Variants in ZNG1A observed in about 807,000 individuals in gnomAD.
ZNG1A encodes zinc-regulated GTPase metalloprotein activator 1A.
the ZNG1A span, chr9:151,370 C>T: frequency 9.2e-6 from 9 of 980,556 alleles, no homozygotes; most frequent in Middle Eastern, 1.0e-3. Context: ...AACTAGACTG[C>T]CAGCTGTGAG....
chr9:172,725 G>A, the ZNG1A span: 2 of 153,836 alleles, frequency 1.3e-5, no homozygotes, highest in African/African-American at 5.0e-5. Flanking sequence ...GGGAGTAAAT[G>A]ATGCCGAAGA....
chr9:130,556 C>T, the ZNG1A span, among the ~76,000 whole-genome samples: 2 of 77,572 alleles, frequency 2.6e-5, no homozygotes, highest in African/African-American at 4.6e-5. Context: ...TTCAGCCTCT[C>T]GAGTAGCTAG....
chr9:160,038 T>A, the ZNG1A span: 1 of 454,494 alleles, frequency 2.2e-6, no homozygotes, highest in Non-Finnish European at 4.4e-6. Flanking sequence ...TCTATTGCAT[T>A]AAATGCTGTC....
the ZNG1A span, chr9:166,144 G>C: frequency 4.8e-5 from 5 of 104,938 alleles, no homozygotes; most frequent in Non-Finnish European, 9.1e-5. Flanking sequence ...AGAGAAATGA[G>C]AGCTCTGAGG....
At chr9:155,392 A>G in the ZNG1A span, among the ~76,000 whole-genome samples, 1 of 151,834 alleles carries the variant, frequency 6.6e-6, no homozygotes, top group Non-Finnish European at 1.5e-5. Flanking sequence ...TTCAAGTCCA[A>G]CCTGGGCAAC....
the ZNG1A span, among the ~76,000 whole-genome samples, chr9:131,220 C>T: frequency 7.1e-6 from 1 of 141,698 alleles, no homozygotes; most frequent in Non-Finnish European, 1.5e-5. Flanking sequence ...AAATTAACTC[C>T]TTTTTCCATG....
chr9:145,182 C>A, the ZNG1A span, among the ~76,000 whole-genome samples: 1 of 151,496 alleles, frequency 6.6e-6, no homozygotes, highest in African/African-American at 2.4e-5. Flanking sequence ...TTTGACCCAG[C>A]CATCCCATTA....
the ZNG1A span, among the ~76,000 whole-genome samples, chr9:170,182 T>C: frequency 4.0e-5 from 6 of 149,542 alleles, no homozygotes; most frequent in Admixed American, 1.3e-4. Flanking sequence ...AACAGCTTGC[T>C]TGACCCCCTC....
chr9:129,075 G>A, the ZNG1A span, among the ~76,000 whole-genome samples: 7 of 151,070 alleles, frequency 4.6e-5, no homozygotes, highest in South Asian at 1.5e-3. Context: ...CTGTTCCAGT[G>A]GAGGCGGTAG....
chr9:140,163 A>T, the ZNG1A span, among the ~76,000 whole-genome samples: 1 of 151,348 alleles, frequency 6.6e-6, no homozygotes, highest in Non-Finnish European at 1.5e-5. Flanking sequence ...AGCCCACCAC[A>T]GCTCAAGGAA....
At chr9:130,003 T>C in the ZNG1A span, among the ~76,000 whole-genome samples, 5 of 150,794 alleles carry the variant, frequency 3.3e-5, no homozygotes, top group Middle Eastern at 3.4e-3. Flanking sequence ...ACAGCATATA[T>C]GTTACTGTAC....
At chr9:166,361 T>C in the ZNG1A span, 612 of 148,730 alleles carry the variant, frequency 4.1e-3, 2 homozygotes, top group African/African-American at 0.014. Context: ...AAAAACAAAC[T>C]TGGGTAAGGA....
At chr9:123,901 T>C in the ZNG1A span, among the ~76,000 whole-genome samples, 13 of 151,922 alleles carry the variant, frequency 8.6e-5, no homozygotes, top group South Asian at 2.1e-4. Context: ...ATTTTATAAA[T>C]TGGGGAAAAT....
the ZNG1A span, among the ~76,000 whole-genome samples, chr9:170,047 AC>A: frequency 1.1e-3 from 169 of 147,232 alleles, no homozygotes; most frequent in African/African-American, 3.6e-3. Context: ...GCAATGGGAA[AC>A]AAAAAAATGT....
At chr9:140,731 T>C in the ZNG1A span, among the ~76,000 whole-genome samples, 2 of 152,112 alleles carry the variant, frequency 1.3e-5, no homozygotes, top group East Asian at 1.9e-4. Context: ...CTTCAGACGA[T>C]CAAACTACTC....
chr9:135,352 C>T, the ZNG1A span, among the ~76,000 whole-genome samples: 16 of 132,090 alleles, frequency 1.2e-4, no homozygotes, highest in Non-Finnish European at 2.4e-4. Flanking sequence ...AGGTTTAATA[C>T]AAACTTAAAT....
chr9:172,403 T>C, the ZNG1A span: 1 of 426,210 alleles, frequency 2.3e-6, no homozygotes, highest in Admixed American at 4.0e-5. Flanking sequence ...TAATACTTTA[T>C]CAAAATTAAA....
the ZNG1A span, among the ~76,000 whole-genome samples, chr9:135,808 G>GA: frequency 1.9e-5 from 2 of 103,884 alleles, no homozygotes; most frequent in Non-Finnish European, 3.5e-5. Flanking sequence ...AGTCTCTTTG[G>GA]GGGGTCCTAG....
the ZNG1A span, among the ~76,000 whole-genome samples, chr9:161,232 G>A: frequency 6.6e-6 from 1 of 152,060 alleles, no homozygotes; most frequent in South Asian, 2.1e-4. Flanking sequence ...ACTTTGGGAG[G>A]CCGAGGCGGG....
Sources: gnomAD v4.1 joint callset for allele counts (sites outside exome capture counted in the v4.1 genomes callset) on GRCh38, gnomAD v4.1.1 for gene constraint, MANE v1.5 for transcripts, NCBI Gene and HGNC (gene_info 2026-07-23, HGNC 2026-07-21) for gene names.